The following PXDN variants were observed in gnomAD, a reference collection of about 807,000 sequenced individuals.
PXDN encodes peroxidasin.
PXDN carries 77 observed loss-of-function variants against 140.3 expected under a neutral mutation model. The ratio of observed to expected loss-of-function variants is 0.55; its 90% CI spans 0.46 to 0.66. The LOEUF is 0.66. PXDN is among the 30% of genes least tolerant of loss of function. PXDN has a pLI of 0.00. For synonymous variants in PXDN, 911 were observed against 857.4 expected (o/e 1.06, Z -1.09); for missense variants, 1,838 against 2,039.5 (o/e 0.90, Z 1.90).
intron 17 of PXDN, among the ~76,000 whole-genome samples, chr2:1,645,530 G>A (rs79437432): frequency 6.6e-6 from 1 of 152,200 alleles, no homozygotes; most frequent in East Asian, 1.9e-4. Flanking sequence ...CTAGGATCAA[G>A]ACAGATTTTG....
intron 1 of PXDN, among the ~76,000 whole-genome samples, chr2:1,723,619 TATGG>T (rs1225638982): frequency 6.6e-6 from 1 of 151,834 alleles, no homozygotes; most frequent in African/African-American, 2.4e-5. Flanking sequence ...GATAGGTGGT[TATGG>T]ATGGACAGAC....
intron 14 of PXDN, among the ~76,000 whole-genome samples, chr2:1,656,128 C>T (rs552880539): frequency 2.0e-5 from 3 of 151,748 alleles, no homozygotes; most frequent in Non-Finnish European, 2.9e-5. Context: ...AAACACCACA[C>T]AAACACACAA....
chr2:1,743,679 G>C (rs1572211042), intron 1 of PXDN, among the ~76,000 whole-genome samples: 1 of 34,926 alleles, frequency 2.9e-5, no homozygotes, highest in East Asian at 6.4e-4. Flanking sequence ...AGGAGGAGGA[G>C]GAAGGGGAGG....
chr2:1,644,739 T>A lies in PXDN; in HGVS notation c.3622A>T (p.Thr1208Ser). The change falls in exon 18 of 23, where the codon ACA (threonine) becomes TCA (serine). Residue 1208 changes from threonine to serine, a missense_variant. By Grantham distance (58) the Thr-to-Ser change is moderately conservative (BLOSUM62 1). Transcript: ENST00000252804. ...REKLKRLYGSTLNIDLFPALV... is the reference protein window; with the variant it reads ...REKLKRLYGSSLNIDLFPALV... ...GCCGGAAACAGGTCGATGTTGAGTG[T>A]CGAGCCATACAACCTAAAAAATAAA... 6.4e-7 allele frequency: 1 copy of A among 1,557,316 alleles called. No homozygotes were observed. Among genetic ancestry groups the A allele is most frequent in the Non-Finnish European group, 8.7e-7 (1 of 1,144,754 alleles).
At chr2:1,733,232 A>T (rs1407451758) in intron 1 of PXDN, among the ~76,000 whole-genome samples, 3 of 152,158 alleles carry the variant, frequency 2.0e-5, no homozygotes, top group Admixed American at 2.0e-4. Flanking sequence ...CCAAAAATTT[A>T]AAAATAAAAT....
intron 1 of PXDN, among the ~76,000 whole-genome samples, chr2:1,732,856 T>C (rs531278615): frequency 3.9e-5 from 6 of 152,234 alleles, no homozygotes; most frequent in African/African-American, 7.2e-5. Context: ...ATTATTAAAA[T>C]TGTATTTATT....
chr2:1,674,461 G>C (rs561600368), intron 8 of PXDN, among the ~76,000 whole-genome samples: 1 of 152,206 alleles, frequency 6.6e-6, no homozygotes, highest in Admixed American at 6.5e-5. Flanking sequence ...CCACGAAGAG[G>C]CCAGGACACA....
At chr2:1,743,545 C>T (rs962271251) in intron 1 of PXDN, among the ~76,000 whole-genome samples, 2 of 148,546 alleles carry the variant, frequency 1.3e-5, no homozygotes, top group Non-Finnish European at 3.0e-5. Context: ...GGAACTGAGG[C>T]TCCTCTGGGG....
At chr2:1,693,033 A>T in intron 2 of PXDN, 30 bp downstream of exon 2, 2 of 1,493,504 alleles carry the variant, frequency 1.3e-6, no homozygotes, top group Non-Finnish European at 1.8e-6. Context: ...CTATTTTTCT[A>T]TTAGTTTCCA....
intron 1 of PXDN, among the ~76,000 whole-genome samples, chr2:1,715,468 G>C (rs565499439): frequency 6.6e-6 from 1 of 152,346 alleles, no homozygotes; most frequent in South Asian, 2.1e-4. Context: ...CTCAGCTTCT[G>C]CTGAGAAACT....
At chr2:1,741,970 C>T (rs1685554549) in intron 1 of PXDN, among the ~76,000 whole-genome samples, 1 of 152,164 alleles carries the variant, frequency 6.6e-6, no homozygotes, top group South Asian at 2.1e-4. Flanking sequence ...CCTCTTCCCT[C>T]AGTCCCTGCC....
In PXDN at chr2:1,643,514, G is replaced by A. The variant is rs780814223; in HGVS notation, c.3806C>T (p.Ser1269Leu). ...PAQLTQIKQT[S>L]LARILCDNAD... ...GTTGTCGCATAGGATCCTGGCCAGC[G>A]ACGTCTGCTTGATCTGAGTCAGCTG... Residue 1269 changes from serine to leucine, a missense_variant, in exon 19 of 23, where the codon TCG becomes TTG. Coordinates refer to ENST00000252804, the MANE Select transcript of PXDN (RefSeq NM_012293.3). 21 of 1,613,824 alleles carry A rather than the reference G, an allele frequency of 1.3e-5. No individual in the cohort carries two copies. In the Admixed American group the frequency reaches 2.7e-4, roughly 20 times the overall value.
intron 1 of PXDN, among the ~76,000 whole-genome samples, chr2:1,731,152 G>GCACAAACACACACACA (rs1685304886): frequency 7.4e-6 from 1 of 135,968 alleles, no homozygotes; most frequent in African/African-American, 2.8e-5. Flanking sequence ...GAGCGCGCGC[G>GCACAAACACACACACA]CACACACACA....
chr2:1,743,270 C>T (rs1394161702), intron 1 of PXDN, among the ~76,000 whole-genome samples: 3 of 152,216 alleles, frequency 2.0e-5, no homozygotes. Flanking sequence ...TCCGGTTAAA[C>T]GTATAGCGCA....
chr2:1,666,317 C>T lies in PXDN; in HGVS notation c.1188G>A (p.Gly396=). 1.2e-6 allele frequency: 2 copies of T among 1,614,044 alleles called. No homozygotes were observed. The highest frequency in any genetic ancestry group is 1.7e-6 in the Non-Finnish European group (2 of 1,179,900). ...DPRVNITPSG[G]LYIQNVVQGD... ...CCTGTACGACGTTCTGTATGTAAAG[C>T]CCGCCAGAAGGCGTGATGTTCACCC... The change falls in exon 10 of 23, where the codon GGG becomes GGA. Residue 396 remains glycine, a synonymous_variant. Transcript: ENST00000252804.
chr2:1,639,437 C>T lies in PXDN; in HGVS notation c.3953-15G>A. 6 of 1,613,914 alleles carry T rather than the reference C, an allele frequency of 3.7e-6. No individual in the cohort carries two copies. In the Admixed American group the frequency reaches 8.3e-5, roughly 22 times the overall value. ...GGTCCTACAGTCTAAAATGGAAGCA[C>T]AAAGCAGAATGTCAGCTCTGAAGGC... On this transcript the variant is annotated splice_polypyrimidine_tract_variant and intron_variant, in intron 19 of 22. Coordinates refer to ENST00000252804, the MANE Select transcript of PXDN (RefSeq NM_012293.3). This position sits in a 1 kb window ranked among gnomAD's most constrained non-coding sequence, Gnocchi z 5.0.
intron 1 of PXDN, among the ~76,000 whole-genome samples, chr2:1,720,718 TCTCTCTCA>T (rs777960051): frequency 0.36 from 51,095 of 140,108 alleles, 10,161 homozygotes; most frequent in Admixed American, 0.48. Context: ...TCTCTCTCTC[TCTCTCTCA>T]CACACACACA....
intron 1 of PXDN, among the ~76,000 whole-genome samples, chr2:1,726,883 T>G (rs1482253379): frequency 6.6e-6 from 1 of 152,186 alleles, no homozygotes; most frequent in African/African-American, 2.4e-5. Context: ...TTAACATAGA[T>G]CTATGTGAGT....
rs1311220557 is a variant in PXDN at position 1,661,963 on chromosome 2, G to A, written c.1680+109C>T. On this transcript the variant is annotated intron_variant, in intron 13 of 22. Transcript: ENST00000252804. ...ATACCCCACAGCAGAGGGGAGGCTGGGGCGTGGGCACTGGTCCGCCTACCT... is the reference window on the plus strand; with the variant it reads ...ATACCCCACAGCAGAGGGGAGGCTGAGGCGTGGGCACTGGTCCGCCTACCT... 4 of 920,106 alleles carry A rather than the reference G, an allele frequency of 4.3e-6. No individual in the cohort carries two copies. The African/African-American group carries it at 6.5e-5, about 15-fold the overall frequency. 57.0% of individuals were successfully genotyped at this position (920,106 alleles called of 1,614,324 possible). A position where few individuals can be genotyped will look rare whatever the true frequency, so the allele number is the denominator to read the frequency against.
Sources: allele counts gnomAD v4.1 joint callset (sites outside exome capture counted in the v4.1 genomes callset), GRCh38; gene constraint gnomAD v4.1.1; non-coding constraint Gnocchi (gnomAD v3.1); transcripts MANE v1.5; gene names NCBI Gene and HGNC (gene_info 2026-07-23, HGNC 2026-07-21).